Variants in MMP24 observed in about 807,000 individuals in gnomAD.
The protein encoded by MMP24 is matrix metalloproteinase-24.
MMP24 carries 25 observed loss-of-function variants against 62.8 expected under a neutral mutation model. The ratio of observed to expected loss-of-function variants is 0.40; its 90% CI spans 0.29 to 0.56. MMP24 has a LOEUF of 0.56. MMP24 is among the 20% of genes least tolerant of loss of function. MMP24 has a pLI of 0.50. For missense variants in MMP24, 634 were observed against 853.6 expected, an observed-to-expected ratio of 0.74 and a Z score of 3.21; for synonymous variants, 319 against 350.5, an observed-to-expected ratio of 0.91 and a Z score of 1.00.
rs759634342 is a variant in MMP24 at position 35,267,349 on chromosome 20, C to A, written c.1124C>A (p.Thr375Asn). Reference protein sequence around the residue: ...PLGDRPSTPGTKPNICDGNFN... With the variant: ...PLGDRPSTPGNKPNICDGNFN... ...GGGGACCGGCCATCCACACCAGGCA[C>A]CAAACCCAACATCTGTGACGGCAAC... The change falls in exon 6 of 9, where the codon ACC becomes AAC. Residue 375 changes from threonine (T) to asparagine (N), a missense_variant. This residue lies in a region of MMP24 where 399 missense variants were observed against 530.8 expected (regional missense o/e 0.75). Coordinates refer to ENST00000246186, the MANE Select transcript of MMP24 (RefSeq NM_006690.4). 5.1e-6 allele frequency: 8 copies of A among 1,583,110 alleles called. No individual in the cohort carries two copies. The South Asian group carries it at 6.9e-5, about 14-fold the overall frequency.
intron 1 of MMP24, among the ~76,000 whole-genome samples, chr20:35,245,606 G>A (rs948453044): frequency 6.6e-6 from 1 of 151,724 alleles, no homozygotes; most frequent in Non-Finnish European, 1.5e-5. Context: ...GCACCACCAC[G>A]ACTGGCTAAT....
In MMP24 at chr20:35,275,090, T is replaced by A; in HGVS notation, c.*481T>A. 1 of 162,506 alleles carries A rather than the reference T, an allele frequency of 6.2e-6. No individual in the cohort carries two copies. The highest frequency in any genetic ancestry group is 5.5e-5 in the Admixed American group (1 of 18,124). 10.1% of individuals were successfully genotyped at this position (162,506 alleles called of 1,614,324 possible). ...ATGTCCCCCTACCCCCACCCCACTG[T>A]CCTCCAAGGCTACAGGACCCCTGCT... On this transcript the variant is annotated 3_prime_UTR_variant, in exon 9 of 9. Coordinates refer to ENST00000246186, the MANE Select transcript of MMP24 (RefSeq NM_006690.4).
At position 35,254,545 on chromosome 20, in the gene MMP24, T is replaced by C. The variant is rs370441023; in HGVS notation, c.608T>C (p.Phe203Ser). 35 of 1,613,912 alleles carry C rather than the reference T, an allele frequency of 2.2e-5. No homozygotes were observed. The highest frequency in any genetic ancestry group is 2.8e-5 in the Non-Finnish European group (33 of 1,179,908). The change falls in exon 4 of 9, where the codon TTT (phenylalanine) becomes TCT (serine). Residue 203 changes from phenylalanine to serine, a missense_variant. By Grantham distance (155) the Phe-to-Ser change is radical. Around this residue, in one of 3 missense-constraint regions of MMP24, gnomAD observed 212 missense variants for 259.6 expected, o/e 0.82. Coordinates refer to ENST00000246186, the MANE Select transcript of MMP24 (RefSeq NM_006690.4). ...DVWQKVTPLT[F>S]EEVPYHEIKS... is the part of the protein sequence containing the mutation. ...TGGCAGAAGGTGACCCCACTGACCT[T>C]TGAAGAGGTGCCATACCATGAGATC...
chr20:35,244,873 G>C (rs1039624630), intron 1 of MMP24, among the ~76,000 whole-genome samples: 9 of 151,684 alleles, frequency 5.9e-5, no homozygotes, highest in Non-Finnish European at 1.3e-4. Flanking sequence ...ATAAAACTTA[G>C]AAAACAGGAA....
intron 1 of MMP24, among the ~76,000 whole-genome samples, chr20:35,228,876 T>C (rs2060426393): frequency 1.3e-5 from 2 of 152,200 alleles, no homozygotes; most frequent in Non-Finnish European, 2.9e-5. Context: ...AGATGTCAAC[T>C]TGACCATTGT....
chr20:35,243,428 C>T (rs1310950899), intron 1 of MMP24, among the ~76,000 whole-genome samples: 2 of 152,162 alleles, frequency 1.3e-5, no homozygotes, highest in Non-Finnish European at 2.9e-5. Context: ...ACTTGTCAGT[C>T]TCTGAGTTCC....
In MMP24 at chr20:35,276,275, T is replaced by G. The variant is rs987531929; in HGVS notation, c.*1666T>G. On this transcript the variant is annotated 3_prime_UTR_variant, in exon 9 of 9. Transcript: ENST00000246186. ...TGTCATCATCCTTGTTTTTTCTCAT[T>G]TTGGCCAAGGGCAGGCTCCCTGGGA... 1 of 399,064 alleles carries G rather than the reference T, an allele frequency of 2.5e-6. No individual in the cohort carries two copies. Among genetic ancestry groups the G allele is most frequent in the Non-Finnish European group, 4.4e-6 (1 of 226,084 alleles). The allele number at this position is 399,064 out of a possible 1,614,324, so 24.7% of individuals were successfully genotyped here.
intron 1 of MMP24, among the ~76,000 whole-genome samples, chr20:35,230,400 G>A (rs2060432556): frequency 6.6e-6 from 1 of 152,198 alleles, no homozygotes; most frequent in Non-Finnish European, 1.5e-5. Flanking sequence ...CAAAATCCCT[G>A]ATTCTCAATG....
chr20:35,248,311 T>G (rs2060526583), intron 2 of MMP24, among the ~76,000 whole-genome samples: 1 of 149,298 alleles, frequency 6.7e-6, no homozygotes, highest in Non-Finnish European at 1.5e-5. Context: ...CCCCCCTTTT[T>G]TTTTTTTTTG....
chr20:35,258,096 A>G (rs540161944), intron 4 of MMP24, among the ~76,000 whole-genome samples: 8 of 152,302 alleles, frequency 5.3e-5, no homozygotes, highest in African/African-American at 1.9e-4. Context: ...GAATGCTTCT[A>G]TGATCTCCCA....
chr20:35,243,225 C>T (rs1252378400), intron 1 of MMP24, among the ~76,000 whole-genome samples: 1 of 151,952 alleles, frequency 6.6e-6, no homozygotes, highest in Non-Finnish European at 1.5e-5. Flanking sequence ...TGCTCTCCCA[C>T]ATTTCCAGGC....
intron 1 of MMP24, among the ~76,000 whole-genome samples, chr20:35,242,058 T>C (rs1425015207): frequency 6.6e-6 from 1 of 152,166 alleles, no homozygotes; most frequent in Non-Finnish European, 1.5e-5. Context: ...ACATAATGTC[T>C]TGTGGCTCTA....
rs1352960783 is a variant in MMP24, at chr20:35,254,353, A to C, written c.513-97A>C. On this transcript the variant is annotated intron_variant, in intron 3 of 8. Transcript: ENST00000246186. The stretch of plus-strand genomic sequence containing the variant: ...GCTAAGCAGAATTCTAGGGTTCAAA[A>C]TCAGATCACTGAGCCACATTGTCTC... The C allele has an allele frequency of 3.2e-6, 4 of 1,245,894 alleles. No individual in the cohort carries two copies. The African/African-American group carries it at 6.0e-5, about 19-fold the overall frequency. 77.2% of individuals were successfully genotyped at this position (1,245,894 alleles called of 1,614,324 possible).
intron 4 of MMP24, among the ~76,000 whole-genome samples, chr20:35,261,577 CTG>C (rs1197137734): frequency 6.6e-6 from 1 of 152,180 alleles, no homozygotes; most frequent in Non-Finnish European, 1.5e-5. Flanking sequence ...CCTCAGGATC[CTG>C]TGTCCCACTT....
At chr20:35,261,318 C>T (rs2060601526) in intron 4 of MMP24, among the ~76,000 whole-genome samples, 1 of 152,194 alleles carries the variant, frequency 6.6e-6, no homozygotes, top group Non-Finnish European at 1.5e-5. Context: ...AGTAACCAAG[C>T]TTCTATCTTA....
chr20:35,273,477 C>A (rs1461900116), intron 8 of MMP24, among the ~76,000 whole-genome samples: 1 of 152,146 alleles, frequency 6.6e-6, no homozygotes, highest in African/African-American at 2.4e-5. Flanking sequence ...GGGAAGGAGT[C>A]TCTGAGGAGG....
At chr20:35,252,462 C>A (rs1195688755) in intron 3 of MMP24, among the ~76,000 whole-genome samples, 1 of 152,172 alleles carries the variant, frequency 6.6e-6, no homozygotes, top group Non-Finnish European at 1.5e-5. Context: ...ACAAAACAAA[C>A]AAAACCATGG....
chr20:35,272,594 C>A (rs994256549), intron 8 of MMP24, among the ~76,000 whole-genome samples: 2 of 152,170 alleles, frequency 1.3e-5, no homozygotes, highest in Non-Finnish European at 2.9e-5. Context: ...CACCAGCCCC[C>A]ACGACTGCCA....
chr20:35,261,511 C>G lies in MMP24; in HGVS notation c.818-2280C>G, dbSNP rs572435229. 5.9e-5 allele frequency among the ~76,000 whole-genome samples: 9 copies of G among 152,300 alleles called. 1 individual carries two copies. In the South Asian group the frequency reaches 1.9e-3, roughly 32 times the overall value. On this transcript the variant is annotated intron_variant, in intron 4 of 8. Transcript: ENST00000246186. ...GGCAGGGGGAATGAAGGTAATCTGTCCTACTCAGGAGCCCAAGCTCGTAAC... is the reference window on the plus strand; with the variant it reads ...GGCAGGGGGAATGAAGGTAATCTGTGCTACTCAGGAGCCCAAGCTCGTAAC...
Sources: allele counts gnomAD v4.1 joint callset (sites outside exome capture counted in the v4.1 genomes callset), GRCh38; gene constraint gnomAD v4.1.1; regional missense constraint gnomAD v4.1.1; transcripts MANE v1.5; gene names NCBI Gene and HGNC (gene_info 2026-07-23, HGNC 2026-07-21).